The following RYR2 variants were observed in gnomAD, a reference collection of about 807,000 sequenced individuals.
The protein encoded by RYR2 is cardiac muscle ryanodine receptor-calcium release channel.
Under a neutral mutation model 601.1 loss-of-function variants are expected in RYR2, and 227 were observed. The ratio of observed to expected loss-of-function variants is 0.38; its 90% CI spans 0.34 to 0.42. The LOEUF (loss-of-function observed/expected upper bound fraction) is 0.42, where lower values mean the gene tolerates loss of function less well. RYR2 is among the 10% of genes least tolerant of loss of function. The pLI is 1.00. For synonymous variants in RYR2, 2,223 were observed against 2,175.1 expected, an observed-to-expected ratio of 1.02 and a Z score of -0.61; for missense variants, 4,646 against 6,156.5, an observed-to-expected ratio of 0.75 and a Z score of 8.21.
intron 1 of RYR2, among the ~76,000 whole-genome samples, chr1:237,206,057 A>G (rs683787): frequency 0.31 from 47,349 of 152,208 alleles, 8,661 homozygotes; most frequent in Admixed American, 0.4. Context: ...CGGGTGCTCC[A>G]GGAGCTCCGG....
chr1:237,798,382 C>G (rs963402756), intron 97 of RYR2, among the ~76,000 whole-genome samples: 2 of 150,236 alleles, frequency 1.3e-5, no homozygotes, highest in East Asian at 2.0e-4. Context: ...TTTGGAGGTA[C>G]CTTTTAATAT....
intron 98 of RYR2, among the ~76,000 whole-genome samples, chr1:237,804,877 T>A (rs1048623407): frequency 6.6e-6 from 1 of 152,208 alleles, no homozygotes; most frequent in Non-Finnish European, 1.5e-5. Flanking sequence ...AGAAAGCGAC[T>A]GGTTCTTTTG....
At chr1:237,369,786 AT>A (rs1700494836) in intron 6 of RYR2, among the ~76,000 whole-genome samples, 178 bp downstream of exon 6, 1 of 152,208 alleles carries the variant, frequency 6.6e-6, no homozygotes, top group Non-Finnish European at 1.5e-5. Flanking sequence ...GTCAGCTCAG[AT>A]GACTTTTAAG....
chr1:237,589,288 T>G (rs1674884117), intron 29 of RYR2, among the ~76,000 whole-genome samples: 1 of 152,184 alleles, frequency 6.6e-6, no homozygotes, highest in South Asian at 2.1e-4. Context: ...AATTTTTGCC[T>G]CCAATTCTTT....
intron 1 of RYR2, among the ~76,000 whole-genome samples, chr1:237,087,448 T>A (rs1572586190): frequency 6.6e-6 from 1 of 152,144 alleles, no homozygotes; most frequent in Non-Finnish European, 1.5e-5. Context: ...GGATAAAAAA[T>A]GTAAATGTTT....
At chr1:237,123,869 T>G (rs1671105613) in intron 1 of RYR2, among the ~76,000 whole-genome samples, 1 of 151,700 alleles carries the variant, frequency 6.6e-6, no homozygotes, top group South Asian at 2.1e-4. Flanking sequence ...GGGTTTCACC[T>G]TGTTAGCCAG....
chr1:237,091,510 C>T (rs1032115600), intron 1 of RYR2, among the ~76,000 whole-genome samples: 4 of 151,952 alleles, frequency 2.6e-5, no homozygotes, highest in Non-Finnish European at 4.4e-5. Context: ...CTGCAACCTC[C>T]GCCTCCTGGG....
intron 1 of RYR2, among the ~76,000 whole-genome samples, chr1:237,088,333 T>G (rs1377304999): frequency 6.6e-6 from 1 of 152,192 alleles, no homozygotes; most frequent in African/African-American, 2.4e-5. Context: ...TCAGGAGAGA[T>G]AAAGAGAGAT....
chr1:237,208,936 G>GTGTGTATA lies in RYR2; in HGVS notation c.49-61560_49-61559insGTGTATAT, dbSNP rs1418847642. ...CATCTGTACAACCAAATGTGTGTGT[G>GTGTGTATA]TATATATATATATATATATATATAT... On this transcript the variant is annotated intron_variant, in intron 1 of 104. Transcript: ENST00000366574. Among the ~76,000 whole-genome samples the GTGTGTATA allele has an allele frequency of 1.6e-3, 147 of 89,780 alleles. 1 individual carries two copies. The highest frequency in any genetic ancestry group is 2.6e-3 in the Non-Finnish European group (122 of 46,322). The allele number at this position is 89,780 out of a possible 152,430, so 58.9% of individuals were successfully genotyped here.
At chr1:237,713,956 T>C (rs922305552) in intron 71 of RYR2, among the ~76,000 whole-genome samples, 19 of 151,726 alleles carry the variant, frequency 1.3e-4, no homozygotes, top group African/African-American at 4.6e-4. Flanking sequence ...TTTTTTTTGG[T>C]AGGCTATTTC....
chr1:237,448,101 A>G (rs1657610666), intron 14 of RYR2, among the ~76,000 whole-genome samples: 1 of 151,660 alleles, frequency 6.6e-6, no homozygotes, highest in Non-Finnish European at 1.5e-5. Context: ...TAATTTTTTT[A>G]TTTTTAGTAG....
At chr1:237,417,935 G>A (rs1194776204) in intron 11 of RYR2, among the ~76,000 whole-genome samples, 1 of 152,134 alleles carries the variant, frequency 6.6e-6, no homozygotes, top group Non-Finnish European at 1.5e-5. Flanking sequence ...GATTTAGGAT[G>A]ATAATTGATT....
chr1:237,789,886 G>C (rs954654343), intron 92 of RYR2, among the ~76,000 whole-genome samples: 8 of 152,168 alleles, frequency 5.3e-5, no homozygotes, highest in African/African-American at 1.9e-4. Flanking sequence ...CTGTGACCCA[G>C]ATCCACCTTC....
chr1:237,638,296 T>G (rs1681084815), intron 44 of RYR2, 61 bp from the exon 45 acceptor site: 7 of 1,606,486 alleles, frequency 4.4e-6, no homozygotes, highest in Non-Finnish European at 5.1e-6. Flanking sequence ...TTGTATCCAA[T>G]GTAAGCATCT....
At chr1:237,135,433 G>A (rs1395167415) in intron 1 of RYR2, among the ~76,000 whole-genome samples, 1 of 150,414 alleles carries the variant, frequency 6.6e-6, no homozygotes, top group Non-Finnish European at 1.5e-5. Context: ...GCAGTGGCAC[G>A]ATCTCGGCTC....
At chr1:237,796,402 GAC>G (rs1659229941) in intron 96 of RYR2, among the ~76,000 whole-genome samples, 1 of 152,074 alleles carries the variant, frequency 6.6e-6, no homozygotes, top group Non-Finnish European at 1.5e-5. Context: ...GGAATGTGAG[GAC>G]ACAGTCCCGA....
intron 1 of RYR2, among the ~76,000 whole-genome samples, chr1:237,093,889 C>G (rs572522029): frequency 6.6e-6 from 1 of 152,196 alleles, no homozygotes; most frequent in African/African-American, 2.4e-5. Flanking sequence ...GCTGACTGAA[C>G]GTGGCAAACC....
At chr1:237,665,461 A>G (rs1684239668) in intron 56 of RYR2, among the ~76,000 whole-genome samples, 1 of 152,140 alleles carries the variant, frequency 6.6e-6, no homozygotes, top group African/African-American at 2.4e-5. Context: ...GTTTAATTGA[A>G]CAAAGAACCA....
intron 1 of RYR2, among the ~76,000 whole-genome samples, chr1:237,088,620 T>G (rs776762550): frequency 1.3e-5 from 2 of 152,234 alleles, no homozygotes; most frequent in Non-Finnish European, 2.9e-5. Flanking sequence ...CTTCCATGTT[T>G]TTGAGTTCAT....
Sources: gnomAD v4.1 joint callset for allele counts (sites outside exome capture counted in the v4.1 genomes callset) on GRCh38, gnomAD v4.1.1 for gene constraint, MANE v1.5 for transcripts, NCBI Gene and HGNC (gene_info 2026-07-23, HGNC 2026-07-21) for gene names.